The following PCCA variants were observed in gnomAD, a reference collection of about 807,000 sequenced individuals.
PCCA encodes the protein propionyl-CoA carboxylase subunit alpha.
A neutral mutation model predicts 101.3 loss-of-function variants in PCCA; 74 were observed. The ratio of observed to expected loss-of-function variants is 0.73; its 90% confidence interval spans 0.61 to 0.89. PCCA has a LOEUF of 0.89. PCCA is among the 40% of genes least tolerant of loss of function. The pLI, the probability that PCCA is intolerant of heterozygous loss-of-function variation, is 0.00. For synonymous variants in PCCA, 294 were observed against 313.6 expected (o/e 0.94, Z 0.66); for missense variants, 891 against 907.0 (o/e 0.98, Z 0.23).
intron 21 of PCCA, among the ~76,000 whole-genome samples, chr13:100,465,901 G>C (rs2082480311): frequency 6.6e-6 from 1 of 152,182 alleles, no homozygotes; most frequent in African/African-American, 2.4e-5. Context: ...TTTGCTTTAG[G>C]AACATGTTTA....
intron 19 of PCCA, among the ~76,000 whole-genome samples, chr13:100,406,124 A>C (rs1300516007): frequency 6.6e-6 from 1 of 152,120 alleles, no homozygotes; most frequent in African/African-American, 2.4e-5. Flanking sequence ...CTGCGTAGAC[A>C]GGGGTATGAG....
At chr13:100,322,049 T>C (rs1038392293) in intron 16 of PCCA, among the ~76,000 whole-genome samples, 1 of 152,212 alleles carries the variant, frequency 6.6e-6, no homozygotes, top group Non-Finnish European at 1.5e-5. Context: ...CAAAGATTTC[T>C]AAATACAGTG....
chr13:100,098,955 G>A (rs1243337489), intron 1 of PCCA, among the ~76,000 whole-genome samples: 1 of 152,134 alleles, frequency 6.6e-6, no homozygotes, highest in African/African-American at 2.4e-5. Context: ...TACAATGCAT[G>A]ATGAAATACC....
At chr13:100,183,038 T>C (rs796803082) in intron 6 of PCCA, among the ~76,000 whole-genome samples, 1 of 152,104 alleles carries the variant, frequency 6.6e-6, no homozygotes, top group Non-Finnish European at 1.5e-5. Context: ...TTGAGTGTTG[T>C]GTACAGGAAG....
intron 21 of PCCA, among the ~76,000 whole-genome samples, chr13:100,510,138 T>G (rs2086370579): frequency 6.6e-6 from 1 of 152,232 alleles, no homozygotes; most frequent in South Asian, 2.1e-4. Flanking sequence ...TAATTTTTCT[T>G]GTATCAGAGT....
At chr13:100,436,859 A>G (rs907978932) in intron 20 of PCCA, among the ~76,000 whole-genome samples, 1 of 152,164 alleles carries the variant, frequency 6.6e-6, no homozygotes, top group Non-Finnish European at 1.5e-5. Context: ...ACCTCCCAAC[A>G]TTTGCGAAAT....
chr13:100,523,049 ACTTT>A (rs548574128), intron 22 of PCCA, among the ~76,000 whole-genome samples: 49 of 151,900 alleles, frequency 3.2e-4, no homozygotes, highest in South Asian at 2.9e-3. Context: ...TTCTTCCTGC[ACTTT>A]CTTTGAGCGT....
intron 7 of PCCA, among the ~76,000 whole-genome samples, chr13:100,216,450 C>T (rs189388240): frequency 4.6e-5 from 7 of 152,330 alleles, no homozygotes; most frequent in East Asian, 1.9e-4. Flanking sequence ...CCTTCCTACA[C>T]GGAGCGTAAG....
At chr13:100,202,205 A>G (rs1347542313) in intron 6 of PCCA, among the ~76,000 whole-genome samples, 1 of 150,928 alleles carries the variant, frequency 6.6e-6, no homozygotes, top group Non-Finnish European at 1.5e-5. Context: ...ACAGCAGTAC[A>G]CATCTGTAGG....
intron 4 of PCCA, among the ~76,000 whole-genome samples, chr13:100,151,582 C>T (rs2053326021): frequency 6.6e-6 from 1 of 150,964 alleles, no homozygotes; most frequent in South Asian, 2.1e-4. Flanking sequence ...AGAGCAAAAA[C>T]TCTGTCTCAA....
chr13:100,530,075 C>A, intron 23 of PCCA, 23 bp from the exon 24 acceptor site: 2 of 1,597,044 alleles, frequency 1.3e-6, no homozygotes, highest in African/African-American at 2.7e-5. Context: ...TCTCCCCTCC[C>A]CCTGCATTTT....
intron 16 of PCCA, among the ~76,000 whole-genome samples, chr13:100,310,439 C>G (rs1027763664): frequency 2.0e-5 from 3 of 152,000 alleles, no homozygotes; most frequent in African/African-American, 4.8e-5. Flanking sequence ...AATTTTTACT[C>G]TAATGTGCTT....
Position 100,151,590 on chromosome 13 carries a change from C to CAA in PCCA, c.301-3380_301-3379dup, listed in dbSNP as rs368443318. ...CTGGGCAAGAGCAAAAACTCTGTCT[C>CAA]AAAAAAAAAACCAAACAAACAGAAA... is the stretch of plus-strand genomic sequence containing the variant. On this transcript the variant is annotated intron_variant, in intron 4 of 23. Coordinates refer to ENST00000376285, the MANE Select transcript of PCCA (RefSeq NM_000282.4). 9.8e-3 allele frequency among the ~76,000 whole-genome samples: 1,372 copies of CAA among 139,364 alleles called. 22 individuals are homozygous for CAA. Among genetic ancestry groups the CAA allele is most frequent in the African/African-American group, 0.035 (1,311 of 37,608 alleles). The allele number at this position is 139,364 out of a possible 152,430, so 91.4% of individuals were successfully genotyped here. A position where few individuals can be genotyped will look rare whatever the true frequency, so the allele number is the denominator to read the frequency against.
At chr13:100,520,737 T>C (rs1410312311) in intron 22 of PCCA, among the ~76,000 whole-genome samples, 1 of 151,072 alleles carries the variant, frequency 6.6e-6, no homozygotes, top group Non-Finnish European at 1.5e-5. Flanking sequence ...TAAAAAAATA[T>C]CTATTAGTAC....
At chr13:100,434,103 C>T (rs551141396) in intron 20 of PCCA, among the ~76,000 whole-genome samples, 2 of 152,288 alleles carry the variant, frequency 1.3e-5, no homozygotes, top group South Asian at 2.1e-4. Context: ...TGGGACAAGA[C>T]CCATCTGGGA....
intron 21 of PCCA, among the ~76,000 whole-genome samples, chr13:100,469,705 C>T (rs1343117536): frequency 6.7e-6 from 1 of 149,556 alleles, no homozygotes; most frequent in Admixed American, 6.7e-5. Context: ...GCTTGAAACC[C>T]GGAGGCTGAG....
chr13:100,472,782 C>G (rs1221181486), intron 21 of PCCA, among the ~76,000 whole-genome samples: 2 of 151,534 alleles, frequency 1.3e-5, no homozygotes, highest in African/African-American at 4.9e-5. Context: ...CTTCCAAGTT[C>G]TTTACTAAAT....
rs2066192254 is a variant in PCCA at position 100,303,129 on chromosome 13, T to G, written c.1284+131T>G. On this transcript the variant is annotated intron_variant, in intron 14 of 23. Transcript: ENST00000376285. ...GTGAAATTCATGGGAATCATGGTTT[T>G]TGTGTTGAAAACAAATTTTTTTCAG... The G allele has an allele frequency of 5.4e-6, 4 of 741,708 alleles. No homozygotes were observed. The South Asian group carries it at 5.7e-5, about 11-fold the overall frequency. The allele number at this position is 741,708 out of a possible 1,614,324, so 45.9% of individuals were successfully genotyped here. A position where few individuals can be genotyped will look rare whatever the true frequency, so the allele number is the denominator to read the frequency against.
Position 100,422,352 on chromosome 13 carries a change from G to A in PCCA, c.1747-3281G>A, listed in dbSNP as rs568665597. On this transcript the variant is annotated intron_variant, in intron 19 of 23. Coordinates refer to ENST00000376285, the MANE Select transcript of PCCA (RefSeq NM_000282.4). Reference sequence around the variant, plus strand: ...GGGGTCTCACTTTGTTGCCCAGGCTGGTTTCAAACTCCTGGCTTCAAGCAG... The same window carrying A: ...GGGGTCTCACTTTGTTGCCCAGGCTAGTTTCAAACTCCTGGCTTCAAGCAG... 8.6e-5 allele frequency among the ~76,000 whole-genome samples: 13 copies of A among 151,628 alleles called. No homozygotes were observed. In the East Asian group the frequency reaches 2.5e-3, roughly 30 times the overall value.
Sources: gnomAD v4.1 joint callset for allele counts (sites outside exome capture counted in the v4.1 genomes callset) on GRCh38, gnomAD v4.1.1 for gene constraint, MANE v1.5 for transcripts, NCBI Gene and HGNC (gene_info 2026-07-23, HGNC 2026-07-21) for gene names.